FAM228B: variants seen among roughly 807,000 people sequenced by gnomAD.
FAM228B encodes the protein family with sequence similarity 228 member B.
In FAM228B, 38 loss-of-function variants were observed where a neutral mutation model predicts 42.6. The observed-to-expected ratio is 0.89, with a 90% confidence interval of 0.69 to 1.17. The LOEUF (loss-of-function observed/expected upper bound fraction) is 1.17. FAM228B is among the 50% of genes most tolerant of loss of function. The probability of loss-of-function intolerance (pLI) is 0.00; values close to 1 mark genes in which losing one functional copy is unlikely to be tolerated. For synonymous variants in FAM228B, 109 were observed against 122.3 expected, an observed-to-expected ratio of 0.89 and a Z score of 0.72; for missense variants, 344 against 367.3, an observed-to-expected ratio of 0.94 and a Z score of 0.52.
rs71395187 is a variant in FAM228B, at chr2:24,083,237, C to CTT, written c.-210+2291_-210+2292dup. The CTT allele has an allele frequency of 2.8e-3, 3,705 of 1,310,866 alleles. 2 individuals are homozygous for CTT. Among genetic ancestry groups the CTT allele is most frequent in the African/African-American group, 8.4e-3 (553 of 65,962 alleles). The allele number at this position is 1,310,866 out of a possible 1,614,324, so 81.2% of individuals were successfully genotyped here. On this transcript the variant is annotated intron_variant, in intron 2 of 10. Transcript: ENST00000613899. ...CCTGGCCCCCCTTCCAAGATCCCCTCTTTTTTTTTTCAAAAATAAATTTCA... is the reference window on the plus strand; with the variant it reads ...CCTGGCCCCCCTTCCAAGATCCCCTCTTTTTTTTTTTTCAAAAATAAATTTCA...
chr2:24,086,049 C>T (rs961149541), intron 2 of FAM228B, among the ~76,000 whole-genome samples: 2 of 151,992 alleles, frequency 1.3e-5, no homozygotes, highest in Admixed American at 6.6e-5. Context: ...TCCTGGCTAA[C>T]ACGGTGAAAC....
intron 3 of FAM228B, chr2:24,097,307 C>T (rs987848327): frequency 1.3e-5 from 2 of 151,734 alleles, no homozygotes; most frequent in African/African-American, 4.8e-5. Flanking sequence ...GGCTAAATGC[C>T]CCAATTAAAA....
intron 3 of FAM228B, among the ~76,000 whole-genome samples, chr2:24,097,905 T>C (rs1314159765): frequency 6.6e-6 from 1 of 152,120 alleles, no homozygotes; most frequent in African/African-American, 2.4e-5. Context: ...TCAGCAAATG[T>C]AAAAGAACAG....
At chr2:24,086,125 T>C (rs34610458) in intron 2 of FAM228B, among the ~76,000 whole-genome samples, 156 of 151,288 alleles carry the variant, frequency 1.0e-3, no homozygotes, top group African/African-American at 3.6e-3. Context: ...GTCCCAGCTA[T>C]TCGGGAGGCT....
intron 10 of FAM228B, chr2:24,167,999 A>G (rs1167267482): frequency 1.4e-5 from 4 of 291,810 alleles, no homozygotes; most frequent in South Asian, 4.5e-5. Flanking sequence ...CTCTGGCTCT[A>G]AGCATCTGAT....
intron 2 of FAM228B, among the ~76,000 whole-genome samples, chr2:24,094,827 T>A (rs1298372004): frequency 1.3e-5 from 2 of 152,172 alleles, no homozygotes; most frequent in Non-Finnish European, 2.9e-5. Flanking sequence ...GTGCGGTGAC[T>A]CACACCTGTA....
intron 3 of FAM228B, among the ~76,000 whole-genome samples, chr2:24,113,464 G>A (rs1665832731): frequency 6.6e-6 from 1 of 152,276 alleles, no homozygotes; most frequent in African/African-American, 2.4e-5. Context: ...TAGCTACTCG[G>A]GAGGCTGAAG....
chr2:24,106,372 T>C (rs1265571227), intron 3 of FAM228B, among the ~76,000 whole-genome samples: 1 of 143,086 alleles, frequency 7.0e-6, no homozygotes, highest in Non-Finnish European at 1.5e-5. Context: ...CCAGGCTGAG[T>C]GCAGTGGCAT....
chr2:24,094,270 T>G (rs539764572), intron 2 of FAM228B, among the ~76,000 whole-genome samples: 94 of 151,922 alleles, frequency 6.2e-4, no homozygotes, highest in Non-Finnish European at 5.3e-4. Context: ...ACAAGATCTT[T>G]CATGTTGCTC....
chr2:24,115,227 C>T (rs1267186409), intron 3 of FAM228B: 1 of 216,026 alleles, frequency 4.6e-6, no homozygotes, highest in African/African-American at 2.3e-5. Context: ...TGCAACCTAA[C>T]CCTGAGAAAT....
chr2:24,134,273 C>T (rs1181188097), intron 2 of FAM228B, among the ~76,000 whole-genome samples: 2 of 151,958 alleles, frequency 1.3e-5, no homozygotes, highest in East Asian at 1.9e-4. Flanking sequence ...TGGAAGAACA[C>T]GAAAAAGAAC....
upstream of FAM228B, among the ~76,000 whole-genome samples, chr2:24,118,846 A>G (rs1354853340): frequency 1.3e-5 from 2 of 152,194 alleles, no homozygotes. Flanking sequence ...TGAATGAATG[A>G]ATGAGTGGCT....
intron 3 of FAM228B, among the ~76,000 whole-genome samples, chr2:24,100,404 A>G (rs1005219135): frequency 1.3e-5 from 2 of 152,168 alleles, no homozygotes; most frequent in Non-Finnish European, 2.9e-5. Flanking sequence ...TCTACAAATA[A>G]CTCAAACAAA....
rs547111876 is a variant in FAM228B, at chr2:24,084,406, C to G, written c.-210+3451C>G. The G allele has an allele frequency of 1.1e-4, 152 of 1,438,422 alleles. No homozygotes were observed. Among genetic ancestry groups the G allele is most frequent in the Non-Finnish European group, 1.3e-4 (144 of 1,079,102 alleles). The allele number at this position is 1,438,422 out of a possible 1,614,324, so 89.1% of individuals were successfully genotyped here. A position where few individuals can be genotyped will look rare whatever the true frequency, so the allele number is the denominator to read the frequency against. ...CAGGACAGGACAGGGCAGGGCAGGA[C>G]AGGACAGGGCAGGGGCCGCTGTATC... On this transcript the variant is annotated intron_variant, in intron 2 of 10. Coordinates refer to the FAM228B transcript ENST00000613899. This position sits in a 1 kb window ranked among gnomAD's most constrained non-coding sequence, Gnocchi z 8.4.
At position 24,160,188 on chromosome 2, in the gene FAM228B, C is replaced by T. The variant is rs145594270; in HGVS notation, c.687-1318C>T. Among the ~76,000 whole-genome samples, 676 of 152,088 alleles carry T rather than the reference C, an allele frequency of 4.4e-3. 7 individuals are homozygous for T. Among genetic ancestry groups the T allele is most frequent in the African/African-American group, 0.016 (662 of 41,476 alleles). ...TATTTTTAGTAGAGATGAGGTTTCA[C>T]CGTGTTGACCAGGCTGGTCTCGAAC... is the stretch of plus-strand genomic sequence containing the variant. On this transcript the variant is annotated intron_variant, in intron 7 of 10. Transcript: ENST00000615575.
At chr2:24,142,788 T>C (rs1666788070) in intron 5 of FAM228B, 1 of 152,258 alleles carries the variant, frequency 6.6e-6, no homozygotes, top group Non-Finnish European at 1.5e-5. Flanking sequence ...GGAAAACTCA[T>C]ATTCACCATC....
At chr2:24,142,087 C>T (rs954106320) in intron 5 of FAM228B, among the ~76,000 whole-genome samples, 1 of 152,192 alleles carries the variant, frequency 6.6e-6, no homozygotes, top group African/African-American at 2.4e-5. Context: ...TTCCTGGCGC[C>T]CTGCTCTGTA....
In FAM228B at chr2:24,077,065, T is replaced by G; in HGVS notation, c.-290+96T>G. On this transcript the variant is annotated intron_variant, in intron 1 of 10. Coordinates refer to the FAM228B transcript ENST00000613899. The surrounding 1 kb of genome is among the most constrained non-coding windows in gnomAD (Gnocchi z 5.5). ...AGGTGGTTGGGGCTGAGGAAAGTGG[T>G]GGAGGTGGGGCGGGGCTCAGATGTG... 1 of 78,302 alleles carries G rather than the reference T, an allele frequency of 1.3e-5. No individual in the cohort carries two copies. Among genetic ancestry groups the G allele is most frequent in the Non-Finnish European group, 2.5e-5 (1 of 39,544 alleles). The allele number at this position is 78,302 out of a possible 1,614,324, so 4.9% of individuals were successfully genotyped here.
At chr2:24,078,899 G>A (rs997549776) in intron 1 of FAM228B, 1 of 152,160 alleles carries the variant, frequency 6.6e-6, no homozygotes, top group Non-Finnish European at 1.5e-5. Context: ...TTTGAGATGA[G>A]GTTTTGCTAT....
Sources: gnomAD v4.1 joint callset for allele counts (sites outside exome capture counted in the v4.1 genomes callset) on GRCh38, gnomAD v4.1.1 for gene constraint, Gnocchi (gnomAD v3.1) non-coding constraint, MANE v1.5 for transcripts, NCBI Gene and HGNC (gene_info 2026-07-23, HGNC 2026-07-21) for gene names.